TRA2B: variants seen among roughly 807,000 people sequenced by gnomAD.
TRA2B encodes transformer 2 beta homolog, also known as transformer-2 protein homolog beta.
In TRA2B, 14 loss-of-function variants were observed where a neutral mutation model predicts 41.7. The observed-to-expected ratio is 0.34, with a 90% confidence interval of 0.22 to 0.53. The LOEUF (loss-of-function observed/expected upper bound fraction) is 0.53, where lower values mean the gene tolerates loss of function less well. Among genes scored for constraint, TRA2B ranks in the 20% least tolerant of loss-of-function variants. The pLI, the probability that TRA2B is intolerant of heterozygous loss-of-function variation, is 0.95. For missense variants in TRA2B, 167 were observed against 396.8 expected (o/e 0.42, Z 4.92); for synonymous variants, 130 against 128.8 (o/e 1.01, Z -0.06).
chr3:185,921,034 A>C, intron 6 of TRA2B, 70 bp downstream of exon 6: 1 of 1,355,464 alleles, frequency 7.4e-7, no homozygotes, highest in Non-Finnish European at 1.0e-6. Flanking sequence ...AAAGGCTAAA[A>C]CTTAAGCATA....
intron 1 of TRA2B, chr3:185,931,984 T>C: frequency 1.6e-6 from 1 of 634,030 alleles, no homozygotes; most frequent in Non-Finnish European, 2.3e-6. Flanking sequence ...AACTAGAATA[T>C]GCAGCTCAAA....
intron 1 of TRA2B, chr3:185,927,120 C>T (rs905574037): frequency 2.0e-5 from 3 of 153,136 alleles, no homozygotes; most frequent in African/African-American, 7.2e-5. Context: ...AATCAAGTTG[C>T]AATCAATAAA....
intron 1 of TRA2B, chr3:185,937,548 G>T: frequency 2.0e-6 from 2 of 990,364 alleles, no homozygotes; most frequent in Non-Finnish European, 2.6e-6. Flanking sequence ...GGACGCAGCG[G>T]CCATTTTCAT....
Position 185,925,533 on chromosome 3 carries a change from T to C in TRA2B, c.264A>G (p.Arg88=). Residue 88 remains arginine, a synonymous_variant, in exon 3 of 9, where the codon CGA becomes CGG. Transcript: ENST00000453386. ...TGTGGCTGTGCCGTCTACGATAATC[T>C]CGACTGTAAGACCTGCTACGTGATC... ...HRRSRSRSYS[R]DYRRRHSHSH... 1.2e-6 allele frequency: 2 copies of C among 1,614,184 alleles called. No homozygotes were observed. The highest frequency in any genetic ancestry group is 2.2e-5 in the South Asian group (2 of 91,084).
At chr3:185,935,882 G>T (rs1186706422) in intron 1 of TRA2B, 2 of 984,994 alleles carry the variant, frequency 2.0e-6, no homozygotes, top group African/African-American at 3.5e-5. Context: ...GCCAGAAAGC[G>T]AAGACTCTTA....
chr3:185,935,081 T>C (rs1214127925), intron 1 of TRA2B: 1 of 985,452 alleles, frequency 1.0e-6, no homozygotes, highest in South Asian at 4.7e-5. Flanking sequence ...GTGACCATTA[T>C]TGGGCTCTAA....
chr3:185,917,997 G>A (rs963024533), intron 8 of TRA2B, among the ~76,000 whole-genome samples: 3 of 152,034 alleles, frequency 2.0e-5, no homozygotes, highest in Admixed American at 2.0e-4. Context: ...AAATTTTTAA[G>A]GACTCTTGAA....
chr3:185,934,528 AT>A, intron 1 of TRA2B: 1 of 985,428 alleles, frequency 1.0e-6, no homozygotes, highest in Non-Finnish European at 1.2e-6. Flanking sequence ...CAAGAAAAAA[AT>A]ATTTCAACCG....
At chr3:185,928,300 C>T (rs573412877) in intron 1 of TRA2B, 1 of 152,138 alleles carries the variant, frequency 6.6e-6, no homozygotes, top group Non-Finnish European at 1.5e-5. Context: ...AGGCCCCAGA[C>T]GACTCTAGAA....
intron 1 of TRA2B, chr3:185,935,913 T>TTTTAACAC (rs1744334592): frequency 1.0e-6 from 1 of 985,280 alleles, no homozygotes; most frequent in Non-Finnish European, 1.2e-6. Flanking sequence ...AAAACTCAAT[T>TTTTAACAC]TTTAACACAT....
intron 5 of TRA2B, among the ~76,000 whole-genome samples, chr3:185,921,803 A>C (rs566990453): frequency 3.4e-4 from 52 of 152,202 alleles, no homozygotes; most frequent in Admixed American, 5.9e-4. Context: ...AACAAACAAA[A>C]AATTTAAAAA....
chr3:185,933,694 G>A (rs961804362), intron 1 of TRA2B, among the ~76,000 whole-genome samples: 1 of 151,966 alleles, frequency 6.6e-6, no homozygotes, highest in Non-Finnish European at 1.5e-5. Flanking sequence ...AAGAGTAAAT[G>A]GATAAGTAAA....
At chr3:185,922,452 TA>T (rs1353987175) in intron 4 of TRA2B, 1 of 179,364 alleles carries the variant, frequency 5.6e-6, no homozygotes, top group African/African-American at 2.3e-5. Flanking sequence ...ACCCATAAGC[TA>T]AAAATTTAAA....
chr3:185,925,219 T>TG (rs1743899258), intron 3 of TRA2B: 1 of 259,120 alleles, frequency 3.9e-6, no homozygotes, highest in Non-Finnish European at 7.3e-6. Context: ...CAGTCGGAAG[T>TG]TTTTTTTTTT....
intron 1 of TRA2B, 45 bp downstream of exon 1, chr3:185,937,780 A>T: frequency 6.2e-7 from 1 of 1,613,190 alleles, no homozygotes; most frequent in Non-Finnish European, 8.5e-7. Context: ...AAAAGATGCA[A>T]GGAGCTAGGA....
chr3:185,921,152 C>G lies in TRA2B; in HGVS notation c.674G>C (p.Gly225Ala). 1 of 1,614,104 alleles carries G rather than the reference C, an allele frequency of 6.2e-7. No individual in the cohort carries two copies. Among genetic ancestry groups the G allele is most frequent in the Non-Finnish European group, 8.5e-7 (1 of 1,180,028 alleles). ...CCGATCATCATAGCCCCGATCATAT[C>G]CTCTGTCATAGTAATCCCGACGGCG... ...SSRRRDYYDR[G>A]YDRGYDDRDY... Residue 225 changes from glycine (G) to alanine (A), a missense_variant, in exon 6 of 9, where the codon GGA (glycine) becomes GCA (alanine). By Grantham distance (60) the Gly-to-Ala change is moderately conservative. Coordinates refer to ENST00000453386, the MANE Select transcript of TRA2B (RefSeq NM_004593.3).
chr3:185,935,836 G>A (rs1744329991), intron 1 of TRA2B: 1 of 985,150 alleles, frequency 1.0e-6, no homozygotes, highest in Non-Finnish European at 1.2e-6. Context: ...ACAACAATAT[G>A]GAAGTATTTC....
At chr3:185,936,383 C>A (rs1315600217) in intron 1 of TRA2B, 1 of 985,306 alleles carries the variant, frequency 1.0e-6, no homozygotes, top group Non-Finnish European at 1.2e-6. Flanking sequence ...ACACTCGTGA[C>A]ATTGGAGTCA....
At chr3:185,926,515 A>G in intron 2 of TRA2B, 86 bp downstream of exon 2, 1 of 1,545,540 alleles carries the variant, frequency 6.5e-7, no homozygotes, top group South Asian at 1.2e-5. Context: ...CAAATAATCT[A>G]ACCCTCTCTA....
Sources: gnomAD v4.1 joint callset for allele counts (sites outside exome capture counted in the v4.1 genomes callset) on GRCh38, gnomAD v4.1.1 for gene constraint, MANE v1.5 for transcripts, NCBI Gene and HGNC (gene_info 2026-07-23, HGNC 2026-07-21) for gene names.